Variants in ELAVL4 observed in about 807,000 individuals in gnomAD.
The protein encoded by ELAVL4 is ELAV-like protein 4.
Under a neutral mutation model 35.6 loss-of-function variants are expected in ELAVL4, and 1 was observed. That is an observed-to-expected ratio of 0.03 (90% CI 0.01 to 0.13). The LOEUF (loss-of-function observed/expected upper bound fraction) is 0.13, where lower values mean the gene tolerates loss of function less well. Among genes scored for constraint, ELAVL4 ranks in the 10% least tolerant of loss-of-function variants. ELAVL4 has a pLI of 1.00. For missense variants in ELAVL4, 267 were observed against 464.9 expected, an observed-to-expected ratio of 0.57 and a Z score of 3.91; for synonymous variants, 156 against 171.0, an observed-to-expected ratio of 0.91 and a Z score of 0.69.
chr1:50,184,061 AC>A (rs1445588768), intron 3 of ELAVL4, among the ~76,000 whole-genome samples: 2 of 152,076 alleles, frequency 1.3e-5, no homozygotes, highest in African/African-American at 4.8e-5. Context: ...AGACACGTTT[AC>A]CCCAGTTGTG....
chr1:50,058,556 TA>T (rs1663797285), intron 1 of ELAVL4, among the ~76,000 whole-genome samples: 1 of 146,700 alleles, frequency 6.8e-6, no homozygotes, highest in Non-Finnish European at 1.5e-5. Context: ...TTGACTAGCC[TA>T]AAGAAAAAAA....
chr1:50,144,556 G>GGAC (rs1319714091), intron 1 of ELAVL4: 1 of 480,434 alleles, frequency 2.1e-6, no homozygotes, highest in African/African-American at 2.0e-5. Context: ...TGTGAGTGTA[G>GGAC]TCCTCTATAT....
chr1:50,092,610 G>T (rs1352440929), intron 1 of ELAVL4, among the ~76,000 whole-genome samples: 1 of 152,126 alleles, frequency 6.6e-6, no homozygotes, highest in Non-Finnish European at 1.5e-5. Context: ...GCCTTATTCT[G>T]CCCATGTTTT....
chr1:50,193,068 AT>A (rs950972617), intron 3 of ELAVL4, among the ~76,000 whole-genome samples: 16 of 151,806 alleles, frequency 1.1e-4, no homozygotes, highest in African/African-American at 3.4e-4. Context: ...TCTTGCCCCC[AT>A]TTTATTTGTT....
chr1:50,191,610 C>T (rs1316618418), intron 3 of ELAVL4, among the ~76,000 whole-genome samples: 3 of 152,036 alleles, frequency 2.0e-5, no homozygotes, highest in South Asian at 2.1e-4. Flanking sequence ...AGATCATCAG[C>T]CTAGATGGAG....
At chr1:50,058,285 T>C (rs1392592507) in intron 1 of ELAVL4, among the ~76,000 whole-genome samples, 2 of 152,288 alleles carry the variant, frequency 1.3e-5, no homozygotes. Flanking sequence ...GGATAACCAG[T>C]ACTGTAAACA....
rs567887675 is a variant in ELAVL4 at position 50,119,862 on chromosome 1, A to C, written c.9+10664A>C. On this transcript the variant is annotated intron_variant, in intron 1 of 6. Coordinates refer to ENST00000371824, the MANE Select transcript of ELAVL4 (RefSeq NM_001144774.3). Reference sequence around the variant, plus strand: ...GTGTCAGTTTGATCTCTTTAATGTAATTAGGGCAGGTACTGTTAACTCTTT... The same window carrying C: ...GTGTCAGTTTGATCTCTTTAATGTACTTAGGGCAGGTACTGTTAACTCTTT... 7.2e-5 allele frequency among the ~76,000 whole-genome samples: 11 copies of C among 151,950 alleles called. No individual in the cohort carries two copies. In the South Asian group the frequency reaches 2.3e-3, roughly 32 times the overall value.
At chr1:50,116,997 T>C (rs1380155724) in intron 1 of ELAVL4, among the ~76,000 whole-genome samples, 8 of 152,160 alleles carry the variant, frequency 5.3e-5, no homozygotes, top group Non-Finnish European at 8.8e-5. Context: ...GTTGTCCTCA[T>C]AGTAACCATT....
intron 1 of ELAVL4, among the ~76,000 whole-genome samples, chr1:50,075,993 A>AT (rs1045479976): frequency 4.0e-5 from 6 of 151,348 alleles, no homozygotes; most frequent in South Asian, 2.1e-4. Context: ...ACACCCAGCT[A>AT]TTTTTTTTGC....
At chr1:50,199,078 G>A (rs149183787) in intron 6 of ELAVL4, among the ~76,000 whole-genome samples, 11 of 124,024 alleles carry the variant, frequency 8.9e-5, no homozygotes, top group African/African-American at 1.8e-4. Context: ...GGATTTGCAC[G>A]TCTAAGGATC....
At chr1:50,167,086 T>C (rs1678067917) in intron 2 of ELAVL4, among the ~76,000 whole-genome samples, 1 of 152,106 alleles carries the variant, frequency 6.6e-6, no homozygotes. Flanking sequence ...ATCCTGGCTA[T>C]GGGAGAAACA....
intron 1 of ELAVL4, among the ~76,000 whole-genome samples, chr1:50,072,992 C>A (rs1664599610): frequency 6.6e-6 from 1 of 152,026 alleles, no homozygotes. Context: ...CCCATCTATA[C>A]CCAGTTTCAC....
chr1:50,182,982 C>A (rs535782425), intron 3 of ELAVL4, among the ~76,000 whole-genome samples: 1 of 151,766 alleles, frequency 6.6e-6, no homozygotes, highest in African/African-American at 2.4e-5. Context: ...CTCAGCCTCC[C>A]GAGTAGCTGG....
At chr1:50,183,932 A>G (rs533814209) in intron 3 of ELAVL4, among the ~76,000 whole-genome samples, 1 of 152,174 alleles carries the variant, frequency 6.6e-6, no homozygotes. Context: ...CTCCTCCTCC[A>G]TTACCGCTAG....
At chr1:50,165,728 GTA>G (rs1395108257) in intron 2 of ELAVL4, among the ~76,000 whole-genome samples, 3 of 142,082 alleles carry the variant, frequency 2.1e-5, no homozygotes, top group South Asian at 4.7e-4. Context: ...GTATATACAT[GTA>G]TATGTGTGTA....
chr1:50,193,653 G>A lies in ELAVL4; in HGVS notation c.355-112G>A, dbSNP rs1683011848. On this transcript the variant is annotated intron_variant, in intron 3 of 6. Coordinates refer to ENST00000371824, the MANE Select transcript of ELAVL4 (RefSeq NM_001144774.3). ...TCTGAACTACTGAGTGATTTAAACT[G>A]ACACCATGAGTTGTAACGGTAGATG... The A allele has an allele frequency of 4.5e-6, 6 of 1,340,234 alleles. No individual in the cohort carries two copies. In the South Asian group the frequency reaches 7.3e-5, roughly 16 times the overall value. 83.0% of individuals were successfully genotyped at this position (1,340,234 alleles called of 1,614,324 possible).
intron 1 of ELAVL4, among the ~76,000 whole-genome samples, chr1:50,133,639 G>GAA (rs1215478266): frequency 2.7e-5 from 4 of 147,544 alleles, no homozygotes; most frequent in South Asian, 2.2e-4. Flanking sequence ...AAGAAAGAAA[G>GAA]AAAGAAAGAA....
At chr1:50,110,023 G>A (rs553615796) in intron 1 of ELAVL4, 3 of 1,597,648 alleles carry the variant, frequency 1.9e-6, no homozygotes, top group Non-Finnish European at 1.7e-6. Flanking sequence ...GTGTGTGTGT[G>A]TGTGCTTGTA....
intron 1 of ELAVL4, among the ~76,000 whole-genome samples, chr1:50,076,423 A>G (rs556729872): frequency 3.3e-5 from 5 of 152,284 alleles, no homozygotes; most frequent in Non-Finnish European, 7.4e-5. Flanking sequence ...ATTATTGTTG[A>G]TCTCTTACTG....
Sources: allele counts gnomAD v4.1 joint callset (sites outside exome capture counted in the v4.1 genomes callset), GRCh38; gene constraint gnomAD v4.1.1; transcripts MANE v1.5; gene names NCBI Gene and HGNC (gene_info 2026-07-23, HGNC 2026-07-21).